Variants in ZFP64 observed in about 807,000 individuals in gnomAD.
The protein encoded by ZFP64 is ZFP64 zinc finger protein.
ZFP64 carries 14 observed loss-of-function variants against 51.6 expected under a neutral mutation model. The ratio of observed to expected loss-of-function variants is 0.27; its 90% CI spans 0.18 to 0.42. ZFP64 has a LOEUF of 0.42. Ranked by LOEUF, ZFP64 falls within the 10% of genes least tolerant of loss-of-function variation. The pLI is 1.00. For synonymous variants in ZFP64, 375 were observed against 361.4 expected (o/e 1.04, Z -0.43); for missense variants, 754 against 906.8 (o/e 0.83, Z 2.16).
intron 2 of ZFP64, among the ~76,000 whole-genome samples, chr20:52,185,576 G>A (rs1196322597): frequency 3.6e-5 from 4 of 110,340 alleles, no homozygotes; most frequent in East Asian, 4.9e-4. Flanking sequence ...TTTCCACTTT[G>A]CACTTTTTTT....
At chr20:52,092,370 C>T (rs1017542602) in intron 7 of ZFP64, among the ~76,000 whole-genome samples, 2 of 145,300 alleles carry the variant, frequency 1.4e-5, no homozygotes, top group African/African-American at 4.9e-5. Flanking sequence ...ACATTGTTCC[C>T]TTGGGGGGTG....
chr20:52,087,157 C>T (rs990725326), intron 8 of ZFP64, among the ~76,000 whole-genome samples: 1 of 152,212 alleles, frequency 6.6e-6, no homozygotes. Flanking sequence ...ATATAGATGT[C>T]CCCTGTCCAC....
chr20:52,158,504 G>A (rs1208645026), intron 5 of ZFP64, among the ~76,000 whole-genome samples: 5 of 152,080 alleles, frequency 3.3e-5, no homozygotes, highest in South Asian at 2.1e-4. Flanking sequence ...TCAGGAGTTC[G>A]AGACCAGGCT....
rs1412757763 is a variant in ZFP64, at chr20:52,191,647, T to C, written c.-11A>G. 2 of 1,584,352 alleles carry C rather than the reference T, an allele frequency of 1.3e-6. No homozygotes were observed. The highest frequency in any genetic ancestry group is 1.7e-6 in the Non-Finnish European group (2 of 1,168,470). ...GCTGCTCGCGTTCATGGCCGCAGACTGGGAGGTCCCCGGCCGGCCGGGATG... is the reference window on the plus strand; with the variant it reads ...GCTGCTCGCGTTCATGGCCGCAGACCGGGAGGTCCCCGGCCGGCCGGGATG... On this transcript the variant is annotated 5_prime_UTR_variant, in exon 1 of 6. Transcript: ENST00000216923. The surrounding 1 kb of genome is among the most constrained non-coding windows in gnomAD (Gnocchi z 4.3).
At chr20:52,141,618 G>A (rs941918159) in intron 5 of ZFP64, among the ~76,000 whole-genome samples, 4 of 152,202 alleles carry the variant, frequency 2.6e-5, no homozygotes, top group Admixed American at 6.5e-5. Flanking sequence ...GCAATCTTAT[G>A]AGAGAACTTG....
intron 5 of ZFP64, among the ~76,000 whole-genome samples, chr20:52,099,768 A>G (rs1165870671): frequency 5.3e-5 from 8 of 152,238 alleles, no homozygotes; most frequent in Admixed American, 5.2e-4. Flanking sequence ...ACATGCAATT[A>G]ATGGTTGAAG....
At chr20:52,117,094 C>T (rs1380943524) in intron 5 of ZFP64, among the ~76,000 whole-genome samples, 1 of 152,000 alleles carries the variant, frequency 6.6e-6, no homozygotes, top group Non-Finnish European at 1.5e-5. Context: ...CACACACACA[C>T]ACAAATTATG....
At chr20:52,150,610 C>T (rs998996724), downstream of ZFP64, among the ~76,000 whole-genome samples, 1 of 152,054 alleles carries the variant, frequency 6.6e-6, no homozygotes, top group African/African-American at 2.4e-5. Context: ...GAAATTATGG[C>T]AAATATAGCA....
Position 52,180,547 on chromosome 20 carries a change from C to CAAAAAAA in ZFP64, c.286+6278_286+6284dup, listed in dbSNP as rs10669415. The stretch of plus-strand genomic sequence containing the variant: ...AAGAGTAGGAATTAACCAGAAATGG[C>CAAAAAAA]AAAAAAAAAAAAAAAAAAAAAATCA... On this transcript the variant is annotated intron_variant, in intron 2 of 5. Transcript: ENST00000216923. Among the ~76,000 whole-genome samples the CAAAAAAA allele has an allele frequency of 1.9e-3, 164 of 87,132 alleles. 6 individuals carry two copies. Among genetic ancestry groups the CAAAAAAA allele is most frequent in the Non-Finnish European group, 2.6e-3 (121 of 46,568 alleles). The allele number at this position is 87,132 out of a possible 152,430, so 57.2% of individuals were successfully genotyped here. A position where few individuals can be genotyped will look rare whatever the true frequency, so the allele number is the denominator to read the frequency against.
intron 7 of ZFP64, among the ~76,000 whole-genome samples, chr20:52,092,966 T>G (rs960202838): frequency 8.5e-5 from 13 of 152,124 alleles, no homozygotes; most frequent in African/African-American, 3.1e-4. Flanking sequence ...TGCTGTAACT[T>G]ATGGGGAGAA....
intron 5 of ZFP64, chr20:52,105,026 C>T (rs1978299417): frequency 7.6e-7 from 1 of 1,313,222 alleles, no homozygotes; most frequent in Non-Finnish European, 1.0e-6. Context: ...GGACGCTTCG[C>T]CCGCCCTTTC....
Position 52,097,142 on chromosome 20 carries a change from C to T in ZFP64, c.976+231G>A, listed in dbSNP as rs775322185. 7.7e-6 allele frequency: 6 copies of T among 777,278 alleles called. No homozygotes were observed. The Admixed American group carries it at 1.0e-4, about 13-fold the overall frequency. The allele number at this position is 777,278 out of a possible 1,614,324, so 48.1% of individuals were successfully genotyped here. A position where few individuals can be genotyped will look rare whatever the true frequency, so the allele number is the denominator to read the frequency against. ...AAAAAAAGCACCTTTAAGAAGCCAC[C>T]TTATTGCTCTAAGATGACTATAGCC... On this transcript the variant is annotated intron_variant, in intron 7 of 8. Coordinates refer to the ZFP64 transcript ENST00000361387.
downstream of ZFP64, chr20:52,151,261 G>C: frequency 2.0e-6 from 2 of 985,268 alleles, no homozygotes. Context: ...TGGCTCTAAA[G>C]AATCATTAAC....
intron 7 of ZFP64, among the ~76,000 whole-genome samples, chr20:52,091,854 G>A (rs543643643): frequency 9.6e-5 from 11 of 114,168 alleles, no homozygotes; most frequent in Non-Finnish European, 1.4e-4. Flanking sequence ...GCTAGACGTG[G>A]TGGCACATGC....
intron 2 of ZFP64, among the ~76,000 whole-genome samples, chr20:52,178,294 G>T (rs1263597103): frequency 6.6e-6 from 1 of 152,138 alleles, no homozygotes; most frequent in African/African-American, 2.4e-5. Flanking sequence ...TTTGCAACCA[G>T]ACAGCCTGGG....
intron 5 of ZFP64, chr20:52,105,099 GC>G (rs1246462830): frequency 4.3e-6 from 6 of 1,392,450 alleles, no homozygotes; most frequent in South Asian, 1.7e-5. Flanking sequence ...CCGGCCCCCA[GC>G]CCCCGGGCGG....
chr20:52,119,533 A>ATATATATATATATATATATATACAT (rs1555802531), intron 5 of ZFP64, among the ~76,000 whole-genome samples: 1 of 89,840 alleles, frequency 1.1e-5, no homozygotes, highest in Non-Finnish European at 2.1e-5. Flanking sequence ...AAAAAAAAAA[A>ATATATATATATATATATATATACAT]ATATATATAT....
intron 2 of ZFP64, among the ~76,000 whole-genome samples, chr20:52,171,672 T>C (rs1474506017): frequency 1.3e-5 from 2 of 151,814 alleles, no homozygotes; most frequent in Non-Finnish European, 1.5e-5. Context: ...GTATTTTTAG[T>C]AGAGACAGAG....
chr20:52,164,733 C>G lies in ZFP64; in HGVS notation c.473G>C (p.Gly158Ala). ...TAAATGCCGCTCCATGTCCTTCATG[C>G]CATAAGCAGTCTTGAATTGGCAACC... Reference protein sequence around the residue: ...YPGCQFKTAYGMKDMERHLKI... With the variant: ...YPGCQFKTAYAMKDMERHLKI... The change falls in exon 4 of 6, where the codon GGC becomes GCC. Residue 158 changes from glycine (G) to alanine (A), a missense_variant. Gly to Ala is a moderately conservative substitution (Grantham distance 60). Transcript: ENST00000216923. The G allele has an allele frequency of 6.2e-7, 1 of 1,612,366 alleles. No individual in the cohort carries two copies. The highest frequency in any genetic ancestry group is 8.5e-7 in the Non-Finnish European group (1 of 1,179,754).
Sources: gnomAD v4.1 joint callset for allele counts (sites outside exome capture counted in the v4.1 genomes callset) on GRCh38, gnomAD v4.1.1 for gene constraint, Gnocchi (gnomAD v3.1) non-coding constraint, MANE v1.5 for transcripts, NCBI Gene and HGNC (gene_info 2026-07-23, HGNC 2026-07-21) for gene names.